MIA3: variants seen among roughly 807,000 people sequenced by gnomAD.
The protein encoded by MIA3 is transport and Golgi organization protein 1 homolog.
In MIA3, 90 loss-of-function variants were observed where a neutral mutation model predicts 192.4. That is an observed-to-expected ratio of 0.47 (90% CI 0.39 to 0.56). The LOEUF is 0.56. Among genes scored for constraint, MIA3 ranks in the 20% least tolerant of loss-of-function variants. The probability of loss-of-function intolerance (pLI) is 0.00; values close to 1 mark genes in which losing one functional copy is unlikely to be tolerated. For synonymous variants in MIA3, 740 were observed against 792.8 expected, an observed-to-expected ratio of 0.93 and a Z score of 1.12; for missense variants, 2,123 against 2,269.4, an observed-to-expected ratio of 0.94 and a Z score of 1.31.
At chr1:222,648,000 G>A (rs768580928) in intron 7 of MIA3, 14 of 308,468 alleles carry the variant, frequency 4.5e-5, no homozygotes, top group African/African-American at 2.8e-4. Context: ...GTGGACTGGT[G>A]TTAGTATCTC....
Position 222,665,591 on chromosome 1 carries a change from G to C in MIA3, c.5696G>C (p.Cys1899Ser). Residue 1899 changes from cysteine to serine, a missense_variant, in exon 28 of 28, where the codon TGT becomes TCT. Transcript: ENST00000344922. ...GCCTCTCAGAGCACTAGCCAGGACT[G>C]TTCACAGGCTTTAAAACAGAGCCCA... ...PPASQSTSQDCSQALKQSP is the reference protein window; with the variant it reads ...PPASQSTSQDSSQALKQSP 1 of 1,601,810 alleles carries C rather than the reference G, an allele frequency of 6.2e-7. No individual in the cohort carries two copies. The highest frequency in any genetic ancestry group is 1.1e-5 in the South Asian group (1 of 89,252).
intron 18 of MIA3, among the ~76,000 whole-genome samples, chr1:222,656,082 G>A (rs1437165836): frequency 6.9e-6 from 1 of 144,824 alleles, no homozygotes; most frequent in African/African-American, 2.6e-5. Context: ...CCATTCTCCT[G>A]CCTCAGTCTC....
intron 24 of MIA3, chr1:222,661,001 C>T (rs1663981675): frequency 1.3e-5 from 2 of 152,254 alleles, no homozygotes; most frequent in Non-Finnish European, 2.9e-5. Flanking sequence ...ATTTCATAAC[C>T]ACCTCCTGTT....
intron 7 of MIA3, among the ~76,000 whole-genome samples, chr1:222,646,550 G>C (rs1384788770): frequency 6.6e-6 from 1 of 152,064 alleles, no homozygotes; most frequent in Admixed American, 6.6e-5. Context: ...CCAGGAGTTT[G>C]AGACCAGCCT....
intron 2 of MIA3, among the ~76,000 whole-genome samples, chr1:222,621,802 CTTGT>C (rs1163667894): frequency 2.3e-5 from 3 of 129,582 alleles, no homozygotes; most frequent in African/African-American, 2.6e-5. Flanking sequence ...CGTGTGCTTT[CTTGT>C]TTGTTTGTTT....
Position 222,627,671 on chromosome 1 carries a change from GCTA to G in MIA3, c.453_455del (p.Thr152del), listed in dbSNP as rs747900494. 1 of 1,613,064 alleles carries G rather than the reference GCTA, an allele frequency of 6.2e-7. No homozygotes were observed. Among genetic ancestry groups the G allele is most frequent in the Admixed American group, 1.7e-5 (1 of 59,856 alleles). Reference sequence around the variant, plus strand: ...GTTTTTGGAACTGTACAATTCTGCAGCTACAGATTCTGAGAAAGCTGTAGAAAA... The same window carrying G: ...GTTTTTGGAACTGTACAATTCTGCAGCAGATTCTGAGAAAGCTGTAGAAAA... On this transcript the variant is annotated inframe_deletion, in exon 4 of 28. Transcript: ENST00000344922.
chr1:222,635,089 A>G (rs1410569681), intron 6 of MIA3, among the ~76,000 whole-genome samples: 1 of 152,228 alleles, frequency 6.6e-6, no homozygotes, highest in Non-Finnish European at 1.5e-5. Context: ...ATGGAAAACA[A>G]GTAGGAAAAC....
At chr1:222,636,661 C>T (rs960733641) in intron 6 of MIA3, among the ~76,000 whole-genome samples, 7 of 151,838 alleles carry the variant, frequency 4.6e-5, no homozygotes, top group African/African-American at 7.3e-5. Context: ...TACAGGCACC[C>T]GCCACCACAC....
intron 4 of MIA3, among the ~76,000 whole-genome samples, chr1:222,631,733 C>T (rs1662406194): frequency 6.6e-6 from 1 of 152,184 alleles, no homozygotes; most frequent in African/African-American, 2.4e-5. Context: ...CGAAAGACAT[C>T]TCAGCAAGCT....
intron 6 of MIA3, among the ~76,000 whole-genome samples, chr1:222,637,976 C>G (rs192441104): frequency 1.6e-3 from 241 of 152,254 alleles, no homozygotes; most frequent in Non-Finnish European, 1.4e-3. Flanking sequence ...GCCACCATGC[C>G]TGGCCAGTTA....
Position 222,659,822 on chromosome 1 carries a change from A to G in MIA3, c.4874+21A>G, listed in dbSNP as rs762896896. ...CACAAGTATGTGGATTTTGATGGCT[A>G]TATTTTCAGCGCGTGTTCTCTTAAG... On this transcript the variant is annotated intron_variant, in intron 22 of 27. Transcript: ENST00000344922. The G allele has an allele frequency of 6.9e-5, 111 of 1,612,748 alleles. 1 individual carries two copies. In the Middle Eastern group the frequency reaches 9.9e-4, roughly 14 times the overall value.
chr1:222,643,337 G>C (rs759451549), intron 6 of MIA3, among the ~76,000 whole-genome samples: 1 of 152,050 alleles, frequency 6.6e-6, no homozygotes, highest in Non-Finnish European at 1.5e-5. Flanking sequence ...AGTGCAGTTG[G>C]GTCTATTTCT....
rs1207363374 is a variant in MIA3, at chr1:222,628,899, A to C, written c.1679A>C (p.Gln560Pro). 1 of 1,614,224 alleles carries C rather than the reference A, an allele frequency of 6.2e-7. No homozygotes were observed. Among genetic ancestry groups the C allele is most frequent in the African/African-American group, 1.3e-5 (1 of 75,080 alleles). ...GGTGGCTCAGAGAGTGAATCTGCACAGAAAGCTGCAGGGAATCAAATGAAT... is the reference window on the plus strand; with the variant it reads ...GGTGGCTCAGAGAGTGAATCTGCACCGAAAGCTGCAGGGAATCAAATGAAT... ...LEGGSESESAQKAAGNQMNDR... is the reference protein window; with the variant it reads ...LEGGSESESAPKAAGNQMNDR... Residue 560 changes from glutamine to proline, a missense_variant, in exon 4 of 28, where the codon CAG becomes CCG. Coordinates refer to ENST00000344922, the MANE Select transcript of MIA3 (RefSeq NM_198551.4).
chr1:222,629,655 A>C lies in MIA3; in HGVS notation c.2435A>C (p.Lys812Thr). Reference sequence around the variant, plus strand: ...AGGGAACCAAATACAATGGTGGAAAAAGAACGCCCTCTGGCAGATAAGAAA... The same window carrying C: ...AGGGAACCAAATACAATGGTGGAAACAGAACGCCCTCTGGCAGATAAGAAA... ...GGREPNTMVE[K>T]ERPLADKKAQ... The change falls in exon 4 of 28, where the codon AAA becomes ACA. Residue 812 changes from lysine to threonine, a missense_variant. Transcript: ENST00000344922. The C allele has an allele frequency of 6.2e-7, 1 of 1,614,188 alleles. No homozygotes were observed. The highest frequency in any genetic ancestry group is 1.7e-5 in the Admixed American group (1 of 60,020).
At position 222,627,757 on chromosome 1, in the gene MIA3, T is replaced by A; in HGVS notation, c.537T>A (p.Pro179=). 1 of 1,612,808 alleles carries A rather than the reference T, an allele frequency of 6.2e-7. No individual in the cohort carries two copies. Among genetic ancestry groups the A allele is most frequent in the Non-Finnish European group, 8.5e-7 (1 of 1,179,722 alleles). ...PELSKEREPE[P]EPVEANSEES... Reference sequence around the variant, plus strand: ...TATCTAAGGAAAGGGAACCTGAACCTGAACCAGTAGAAGCCAACTCAGAGG... The same window carrying A: ...TATCTAAGGAAAGGGAACCTGAACCAGAACCAGTAGAAGCCAACTCAGAGG... Residue 179 remains proline (P), a synonymous_variant, in exon 4 of 28, where the codon CCT becomes CCA. Coordinates refer to ENST00000344922, the MANE Select transcript of MIA3 (RefSeq NM_198551.4).
At chr1:222,627,318 A>G (rs1662163252) in intron 3 of MIA3, among the ~76,000 whole-genome samples, 1 of 152,144 alleles carries the variant, frequency 6.6e-6, no homozygotes, top group South Asian at 2.1e-4. Context: ...GGACTGAGCA[A>G]ACTCACCAGC....
In MIA3 at chr1:222,665,882, C is replaced by T. The variant is rs1367596186; in HGVS notation, c.*263C>T. On this transcript the variant is annotated 3_prime_UTR_variant, in exon 28 of 28. Transcript: ENST00000344922. ...AATACCTGTGTTTTAGCTAATGTAGCATATGTAATTGCAAAATGATTTAGA... is the reference window on the plus strand; with the variant it reads ...AATACCTGTGTTTTAGCTAATGTAGTATATGTAATTGCAAAATGATTTAGA... 9.3e-6 allele frequency: 3 copies of T among 324,270 alleles called. No homozygotes were observed. Among genetic ancestry groups the T allele is most frequent in the African/African-American group, 4.3e-5 (2 of 46,888 alleles). The allele number at this position is 324,270 out of a possible 1,614,324, so 20.1% of individuals were successfully genotyped here.
At chr1:222,660,494 A>G in intron 24 of MIA3, 180 bp downstream of exon 24, 1 of 483,364 alleles carries the variant, frequency 2.1e-6, no homozygotes, top group East Asian at 3.6e-5. Context: ...TTAGAACAGA[A>G]GGCATTTATT....
chr1:222,633,997 T>C (rs541202079), intron 6 of MIA3, among the ~76,000 whole-genome samples: 1 of 152,032 alleles, frequency 6.6e-6, no homozygotes, highest in Non-Finnish European at 1.5e-5. Flanking sequence ...ATCACAAGTG[T>C]GCACCACCAT....
Sources: gnomAD v4.1 joint callset for allele counts (sites outside exome capture counted in the v4.1 genomes callset) on GRCh38, gnomAD v4.1.1 for gene constraint, MANE v1.5 for transcripts, NCBI Gene and HGNC (gene_info 2026-07-23, HGNC 2026-07-21) for gene names.